SNTG1: variants seen among roughly 807,000 people sequenced by gnomAD.
SNTG1 encodes the protein syntrophin gamma 1, also known as gamma-1-syntrophin.
In SNTG1, 39 loss-of-function variants were observed where a neutral mutation model predicts 74.7. The ratio of observed to expected loss-of-function variants is 0.52; its 90% CI spans 0.40 to 0.68. SNTG1 has a LOEUF of 0.68. Among genes scored for constraint, SNTG1 ranks in the 30% least tolerant of loss-of-function variants. The probability of loss-of-function intolerance (pLI) is 0.00; values close to 1 mark genes in which losing one functional copy is unlikely to be tolerated. For synonymous variants in SNTG1, 254 were observed against 217.1 expected, an observed-to-expected ratio of 1.17 and a Z score of -1.49; for missense variants, 685 against 609.5, an observed-to-expected ratio of 1.12 and a Z score of -1.30.
chr8:50,396,015 G>A (rs2131321347), intron 3 of SNTG1, among the ~76,000 whole-genome samples: 1 of 152,256 alleles, frequency 6.6e-6, no homozygotes, highest in South Asian at 2.1e-4. Context: ...GTTTATTTTG[G>A]ATTTCAGAGG....
intron 9 of SNTG1, among the ~76,000 whole-genome samples, chr8:50,522,115 A>C (rs2094184486): frequency 6.6e-6 from 1 of 152,178 alleles, no homozygotes. Context: ...CCCTGTATTA[A>C]ATATATTTCT....
chr8:50,023,531 C>T (rs966082805), intron 1 of SNTG1, among the ~76,000 whole-genome samples: 1 of 152,112 alleles, frequency 6.6e-6, no homozygotes, highest in Non-Finnish European at 1.5e-5. Flanking sequence ...AAGCTAAAGC[C>T]TGTTGTCCTT....
chr8:50,077,061 C>T (rs1253541819), intron 1 of SNTG1, among the ~76,000 whole-genome samples: 1 of 152,156 alleles, frequency 6.6e-6, no homozygotes, highest in Non-Finnish European at 1.5e-5. Context: ...TCTGGCTTAA[C>T]GTTCTATATT....
rs2093576027 is a variant in SNTG1 at position 50,462,794 on chromosome 8, C to CTTTTTTTTTTT, written c.363+12066_363+12067insTTTTTTTTTTT. ...AACTCAGTCGCATCTTCAGGTTCTA[C>CTTTTTTTTTTT]TCTTTTTTTTTTTTTTTTTTTTTTT... On this transcript the variant is annotated intron_variant, in intron 8 of 18. Coordinates refer to ENST00000642720, the MANE Select transcript of SNTG1 (RefSeq NM_018967.5). Among the ~76,000 whole-genome samples the CTTTTTTTTTTT allele has an allele frequency of 4.1e-4, 18 of 43,628 alleles. 6 individuals are homozygous for CTTTTTTTTTTT. The highest frequency in any genetic ancestry group is 3.3e-4 in the Non-Finnish European group (7 of 21,436). 28.6% of individuals were successfully genotyped at this position (43,628 alleles called of 152,430 possible). A position where few individuals can be genotyped will look rare whatever the true frequency, so the allele number is the denominator to read the frequency against.
chr8:50,006,362 T>C (rs1815240924), intron 1 of SNTG1, among the ~76,000 whole-genome samples: 1 of 152,214 alleles, frequency 6.6e-6, no homozygotes, highest in African/African-American at 2.4e-5. Context: ...TTTTTTATGA[T>C]GACTGCTTTA....
In SNTG1 at chr8:50,225,102, C is replaced by T. The variant is rs1028525393; in HGVS notation, c.-28+52467C>T. On this transcript the variant is annotated intron_variant, in intron 2 of 18. Transcript: ENST00000642720. ...TCCCCTGCCTCAGCCTCCTGAGTAG[C>T]TGGGACTACAGGCGCCCACCACCAC... Among the ~76,000 whole-genome samples, 4 of 152,168 alleles carry T rather than the reference C, an allele frequency of 2.6e-5. No individual in the cohort carries two copies. In the South Asian group the frequency reaches 6.2e-4, roughly 24 times the overall value.
intron 13 of SNTG1, among the ~76,000 whole-genome samples, chr8:50,618,331 A>C (rs945288280): frequency 3.3e-5 from 5 of 152,188 alleles, no homozygotes; most frequent in African/African-American, 1.2e-4. Flanking sequence ...TTTTTATTTC[A>C]TACTGAAAGT....
At chr8:50,519,318 C>T (rs1051121811) in intron 9 of SNTG1, among the ~76,000 whole-genome samples, 2 of 152,082 alleles carry the variant, frequency 1.3e-5, no homozygotes, top group African/African-American at 4.8e-5. Context: ...ATAACCAGAG[C>T]TATTTATGAC....
At chr8:50,417,764 A>G (rs2093032720) in intron 4 of SNTG1, among the ~76,000 whole-genome samples, 1 of 152,104 alleles carries the variant, frequency 6.6e-6, no homozygotes, top group South Asian at 2.1e-4. Flanking sequence ...CGAGAAAACA[A>G]TGCCCCACTG....
At chr8:50,390,594 A>T (rs2092643431) in intron 2 of SNTG1, among the ~76,000 whole-genome samples, 1 of 152,070 alleles carries the variant, frequency 6.6e-6, no homozygotes, top group Non-Finnish European at 1.5e-5. Flanking sequence ...AGTTTTTCCC[A>T]AATTCTGTGA....
At chr8:50,484,306 C>T (rs937379882) in intron 8 of SNTG1, among the ~76,000 whole-genome samples, 1 of 151,304 alleles carries the variant, frequency 6.6e-6, no homozygotes, top group Non-Finnish European at 1.5e-5. Flanking sequence ...ACCTCCACCT[C>T]CCAGGTTCAA....
intron 11 of SNTG1, among the ~76,000 whole-genome samples, chr8:50,551,428 T>TA (rs1452055506): frequency 2.6e-5 from 4 of 152,110 alleles, no homozygotes. Context: ...TTTTATTAGC[T>TA]AAAAAATCTA....
intron 1 of SNTG1, among the ~76,000 whole-genome samples, chr8:50,015,896 T>C (rs1816263321): frequency 6.6e-6 from 1 of 152,140 alleles, no homozygotes. Context: ...ATATGGCAGA[T>C]GAAGCAAAAC....
chr8:50,171,092 A>G lies in SNTG1; in HGVS notation c.-102-1469A>G, dbSNP rs80136775. On this transcript the variant is annotated intron_variant, in intron 1 of 18. Transcript: ENST00000642720. ...TTGTCATCTGATGGAATCTTAGAAC[A>G]GGAGTGAAATCCACAACTGCCACAA... 6.8e-3 allele frequency among the ~76,000 whole-genome samples: 1,036 copies of G among 152,282 alleles called. 8 individuals carry two copies. Among genetic ancestry groups the G allele is most frequent in the African/African-American group, 0.024 (996 of 41,542 alleles).
At chr8:50,526,662 T>G (rs2094222535) in intron 9 of SNTG1, among the ~76,000 whole-genome samples, 1 of 149,518 alleles carries the variant, frequency 6.7e-6, no homozygotes, top group Non-Finnish European at 1.5e-5. Flanking sequence ...TATATATATA[T>G]TTTTTTGAGA....
chr8:50,185,475 A>C (rs2131740764), intron 2 of SNTG1, among the ~76,000 whole-genome samples: 1 of 152,306 alleles, frequency 6.6e-6, no homozygotes, highest in Admixed American at 6.5e-5. Context: ...GTCCAAAGAA[A>C]TACTGCTTAG....
chr8:50,711,779 T>C (rs990821639), intron 17 of SNTG1, among the ~76,000 whole-genome samples: 2 of 152,146 alleles, frequency 1.3e-5, no homozygotes. Context: ...TATCAAGAGG[T>C]GATACATTCT....
chr8:50,283,875 T>C (rs1032588456), intron 2 of SNTG1, among the ~76,000 whole-genome samples: 2 of 152,206 alleles, frequency 1.3e-5, no homozygotes, highest in African/African-American at 2.4e-5. Context: ...AAATATATTA[T>C]GGAGAATTTC....
At chr8:50,023,890 T>A (rs1380999446) in intron 1 of SNTG1, among the ~76,000 whole-genome samples, 1 of 152,180 alleles carries the variant, frequency 6.6e-6, no homozygotes. Context: ...GCCTGAGGCC[T>A]TCTGACCATC....
Sources: gnomAD v4.1 joint callset for allele counts (sites outside exome capture counted in the v4.1 genomes callset) on GRCh38, gnomAD v4.1.1 for gene constraint, MANE v1.5 for transcripts, NCBI Gene and HGNC (gene_info 2026-07-23, HGNC 2026-07-21) for gene names.